PRKAR1A: variants seen among roughly 807,000 people sequenced by gnomAD.
The protein encoded by PRKAR1A is protein kinase cAMP-dependent type I regulatory subunit alpha.
Under a neutral mutation model 52.0 loss-of-function variants are expected in PRKAR1A, and 3 were observed. The observed-to-expected ratio is 0.06, with a 90% confidence interval of 0.03 to 0.15. The LOEUF (loss-of-function observed/expected upper bound fraction) is 0.15, where lower values mean the gene tolerates loss of function less well. Among genes scored for constraint, PRKAR1A ranks in the 10% least tolerant of loss-of-function variants. The pLI, the probability that PRKAR1A is intolerant of heterozygous loss-of-function variation, is 1.00. For synonymous variants in PRKAR1A, 188 were observed against 168.4 expected (o/e 1.12, Z -0.90); for missense variants, 240 against 477.4 (o/e 0.50, Z 4.63).
intron 1 of PRKAR1A, 53 bp from the exon 2 acceptor site, chr17:68,515,341 T>C (rs898026236): frequency 1.3e-6 from 2 of 1,589,258 alleles, no homozygotes; most frequent in Non-Finnish European, 1.7e-6. Flanking sequence ...AAATGCCAGA[T>C]TGACATTTTG....
At chr17:68,455,680 G>T in the PRKAR1A span, among the ~76,000 whole-genome samples, 1 of 152,198 alleles carries the variant, frequency 6.6e-6, no homozygotes, top group African/African-American at 2.4e-5. Flanking sequence ...TAACAGTAGG[G>T]AGTAAGGAAA....
At chr17:68,446,148 T>C in the PRKAR1A span, among the ~76,000 whole-genome samples, 1 of 152,110 alleles carries the variant, frequency 6.6e-6, no homozygotes, top group Non-Finnish European at 1.5e-5. Flanking sequence ...TCATCAGTGT[T>C]AACCAAGCAG....
At chr17:68,466,911 A>C in the PRKAR1A span, among the ~76,000 whole-genome samples, 1 of 152,162 alleles carries the variant, frequency 6.6e-6, no homozygotes. Context: ...CCCCTTAAAC[A>C]GCTACTACCC....
At chr17:68,489,272 A>ATATATATATATGGAAAG in the PRKAR1A span, among the ~76,000 whole-genome samples, 63 of 16,916 alleles carry the variant, frequency 3.7e-3, 15 homozygotes, top group East Asian at 0.03. Flanking sequence ...GAAAGTATAT[A>ATATATATATATGGAAAG]TATATATATA....
rs369973905 is a variant in PRKAR1A at position 68,525,022 on chromosome 17, C to G, written c.549+64C>G. On this transcript the variant is annotated intron_variant, in intron 6 of 10. Transcript: ENST00000589228. The stretch of plus-strand genomic sequence containing the variant: ...AGCCAATGTATTGATCGCTTCCGAG[C>G]AATAAGAATAGTGATTTTGAAGGGT... The G allele has an allele frequency of 7.5e-5, 99 of 1,326,946 alleles. No individual in the cohort carries two copies. In the African/African-American group the frequency reaches 1.2e-3, roughly 16 times the overall value. 82.2% of individuals were successfully genotyped at this position (1,326,946 alleles called of 1,614,324 possible).
the PRKAR1A span, chr17:68,444,537 ATGTCTTTAATGT>A: frequency 6.2e-7 from 1 of 1,614,138 alleles, no homozygotes; most frequent in Non-Finnish European, 8.5e-7. Flanking sequence ...CAACAGCTTC[ATGTCTTTAATGT>A]TGTGAATATA....
At chr17:68,470,988 AC>A in the PRKAR1A span, among the ~76,000 whole-genome samples, 941 of 152,354 alleles carry the variant, frequency 6.2e-3, 8 homozygotes, top group African/African-American at 0.02. Flanking sequence ...AAACTCAGAA[AC>A]AATGAAGAGT....
upstream of PRKAR1A, among the ~76,000 whole-genome samples, chr17:68,509,399 C>T (rs570795228): frequency 5.9e-5 from 9 of 152,240 alleles, no homozygotes; most frequent in East Asian, 1.7e-3. Flanking sequence ...CTCCTGGGCC[C>T]AAGGAAGCCT....
chr17:68,489,045 G>T, the PRKAR1A span, among the ~76,000 whole-genome samples: 1 of 149,196 alleles, frequency 6.7e-6, no homozygotes, highest in Non-Finnish European at 1.5e-5. Context: ...CCTAAGGCTT[G>T]TCTGAATAAG....
At chr17:68,437,192 A>G in the PRKAR1A span, among the ~76,000 whole-genome samples, 1 of 152,132 alleles carries the variant, frequency 6.6e-6, no homozygotes, top group Non-Finnish European at 1.5e-5. Context: ...CTTTCTGCAG[A>G]TGATTATATA....
chr17:68,530,739 G>C lies in PRKAR1A; in HGVS notation c.*290G>C. Reference sequence around the variant, plus strand: ...GGCAGTGAGTGCCATGCTTTTTGGTGAGGGCAGATCCCAGCACCTATTGAA... The same window carrying C: ...GGCAGTGAGTGCCATGCTTTTTGGTCAGGGCAGATCCCAGCACCTATTGAA... On this transcript the variant is annotated 3_prime_UTR_variant, in exon 11 of 11. Transcript: ENST00000589228. 1.5e-6 allele frequency: 2 copies of C among 1,343,592 alleles called. No individual in the cohort carries two copies. The highest frequency in any genetic ancestry group is 1.9e-6 in the Non-Finnish European group (2 of 1,042,206). The allele number at this position is 1,343,592 out of a possible 1,614,324, so 83.2% of individuals were successfully genotyped here.
At chr17:68,484,322 GT>G in the PRKAR1A span, among the ~76,000 whole-genome samples, 5 of 152,142 alleles carry the variant, frequency 3.3e-5, no homozygotes, top group African/African-American at 9.7e-5. Context: ...ATCTTTAAAT[GT>G]TTTGTATTTT....
chr17:68,542,719 C>T, intron 11 of PRKAR1A: 1 of 1,613,986 alleles, frequency 6.2e-7, no homozygotes, highest in South Asian at 1.1e-5. Flanking sequence ...AAACACTCTG[C>T]AGGATTTCAT....
the PRKAR1A span, among the ~76,000 whole-genome samples, chr17:68,460,055 A>C: frequency 1.3e-5 from 2 of 152,082 alleles, no homozygotes; most frequent in South Asian, 2.1e-4. Flanking sequence ...TCCTGACCTC[A>C]TGATCCACCT....
chr17:68,463,214 A>G, the PRKAR1A span, among the ~76,000 whole-genome samples: 1 of 152,172 alleles, frequency 6.6e-6, no homozygotes, highest in African/African-American at 2.4e-5. Flanking sequence ...GGGACACCTC[A>G]GGAAAAACTG....
At chr17:68,538,965 G>C (rs1434290327) in intron 11 of PRKAR1A, among the ~76,000 whole-genome samples, 1 of 152,172 alleles carries the variant, frequency 6.6e-6, no homozygotes, top group Non-Finnish European at 1.5e-5. Flanking sequence ...ATCAGAGAGT[G>C]TACTCACACA....
intron 2 of PRKAR1A, among the ~76,000 whole-genome samples, chr17:68,522,417 A>G (rs1189729919): frequency 6.6e-6 from 1 of 152,200 alleles, no homozygotes; most frequent in African/African-American, 2.4e-5. Context: ...TTTGTCTTGC[A>G]GTGTGTTACT....
chr17:68,441,884 GAC>G, the PRKAR1A span, among the ~76,000 whole-genome samples: 1 of 152,192 alleles, frequency 6.6e-6, no homozygotes, highest in Non-Finnish European at 1.5e-5. Context: ...GGTCTAAAAA[GAC>G]ACAGTTTGCT....
chr17:68,477,463 A>C, the PRKAR1A span, among the ~76,000 whole-genome samples: 1 of 152,166 alleles, frequency 6.6e-6, no homozygotes, highest in African/African-American at 2.4e-5. Flanking sequence ...GTTCAAGTGA[A>C]TTCTCCAGTT....
Sources: gnomAD v4.1 joint callset for allele counts (sites outside exome capture counted in the v4.1 genomes callset) on GRCh38, gnomAD v4.1.1 for gene constraint, MANE v1.5 for transcripts, NCBI Gene and HGNC (gene_info 2026-07-23, HGNC 2026-07-21) for gene names.